The following ART4 variants were observed in gnomAD, a reference collection of about 807,000 sequenced individuals.
The protein encoded by ART4 is ecto-ADP-ribosyltransferase 4.
ART4 carries 14 observed loss-of-function variants against 24.2 expected under a neutral mutation model. The observed-to-expected ratio is 0.58, with a 90% CI of 0.38 to 0.90. The LOEUF is 0.90. ART4 is among the 40% of genes least tolerant of loss of function. The probability of loss-of-function intolerance (pLI) is 0.00; values close to 1 mark genes in which losing one functional copy is unlikely to be tolerated. For synonymous variants in ART4, 145 were observed against 139.9 expected (o/e 1.04, Z -0.26); for missense variants, 356 against 366.6 (o/e 0.97, Z 0.24).
rs187752608 is a variant in ART4, at chr12:14,826,696, A to G, written c.*2675T>C. 6.6e-6 allele frequency: 1 copy of G among 152,178 alleles called. No homozygotes were observed. The highest frequency in any genetic ancestry group is 1.5e-5 in the Non-Finnish European group (1 of 68,038). 9.4% of individuals were successfully genotyped at this position (152,178 alleles called of 1,614,324 possible). A position where few individuals can be genotyped will look rare whatever the true frequency, so the allele number is the denominator to read the frequency against. On this transcript the variant is annotated 3_prime_UTR_variant, in exon 3 of 3. Coordinates refer to ENST00000228936, the MANE Select transcript of ART4 (RefSeq NM_021071.4). The stretch of plus-strand genomic sequence containing the variant: ...TTACCCCTCACTCTCTGCCAGACCT[A>G]TCTGCTCCCTGACCTTATGCTGTAC...
chr12:14,842,466 G>A lies in ART4; in HGVS notation c.144+504C>T, dbSNP rs187635898. On this transcript the variant is annotated intron_variant, in intron 1 of 2. Coordinates refer to ENST00000228936, the MANE Select transcript of ART4 (RefSeq NM_021071.4). ...AAATAGGTCTACGGTATCTATTTAA[G>A]CCAAGCCGAGCCAAACCAAACCAAT... Among the ~76,000 whole-genome samples the A allele has an allele frequency of 2.7e-3, 405 of 152,270 alleles. 1 individual carries two copies. In the Middle Eastern group the frequency reaches 0.031, roughly 12 times the overall value.
At chr12:14,836,018 T>G (rs1391417192) in intron 2 of ART4, among the ~76,000 whole-genome samples, 4 of 152,196 alleles carry the variant, frequency 2.6e-5, no homozygotes, top group Non-Finnish European at 1.5e-5. Context: ...AGTGGATTCC[T>G]GAAACTACAG....
chr12:14,831,426 ATTTT>A (rs11369265), intron 2 of ART4, among the ~76,000 whole-genome samples: 1 of 148,110 alleles, frequency 6.8e-6, no homozygotes, highest in East Asian at 2.1e-4. Flanking sequence ...ATGCCTGGCT[ATTTT>A]TTTTTTGTAT....
intron 1 of ART4, 59 bp downstream of exon 1, chr12:14,842,911 G>T: frequency 6.5e-7 from 1 of 1,540,154 alleles, no homozygotes; most frequent in East Asian, 2.4e-5. Flanking sequence ...CTGTGGCCGG[G>T]TGAATGCTCT....
At chr12:14,837,052 T>C (rs1950435872) in intron 2 of ART4, among the ~76,000 whole-genome samples, 2 of 151,682 alleles carry the variant, frequency 1.3e-5, no homozygotes, top group South Asian at 2.1e-4. Context: ...ATCTGATCAC[T>C]GAGAGGGCTA....
At chr12:14,841,428 T>C (rs1317837318) in intron 1 of ART4, among the ~76,000 whole-genome samples, 1 of 152,196 alleles carries the variant, frequency 6.6e-6, no homozygotes, top group Non-Finnish European at 1.5e-5. Flanking sequence ...AATCACAGCA[T>C]GTTTGCATAG....
At position 14,828,533 on chromosome 12, in the gene ART4, G is replaced by C. The variant is rs1216935165; in HGVS notation, c.*838C>G. On this transcript the variant is annotated 3_prime_UTR_variant, in exon 3 of 3. Coordinates refer to ENST00000228936, the MANE Select transcript of ART4 (RefSeq NM_021071.4). ...AATTCACACCTTGGTTAATCTCTGG[G>C]GTTCAAAGCTTTTCTGTTTGGTGAA... The C allele has an allele frequency of 6.6e-6, 1 of 151,608 alleles. No individual in the cohort carries two copies. Among genetic ancestry groups the C allele is most frequent in the Non-Finnish European group, 1.5e-5 (1 of 67,942 alleles). 9.4% of individuals were successfully genotyped at this position (151,608 alleles called of 1,614,324 possible). A position where few individuals can be genotyped will look rare whatever the true frequency, so the allele number is the denominator to read the frequency against.
intron 2 of ART4, among the ~76,000 whole-genome samples, chr12:14,835,836 CT>C (rs1950427086): frequency 6.6e-6 from 1 of 152,068 alleles, no homozygotes; most frequent in East Asian, 1.9e-4. Flanking sequence ...ATCTCCTGAC[CT>C]TGTGATCCAC....
chr12:14,834,773 A>G (rs1305416744), intron 2 of ART4, among the ~76,000 whole-genome samples: 1 of 152,230 alleles, frequency 6.6e-6, no homozygotes, highest in East Asian at 1.9e-4. Flanking sequence ...TTCTATGGCA[A>G]CCAGTACAGG....
intron 1 of ART4, 114 bp downstream of exon 1, chr12:14,842,856 A>G: frequency 7.8e-7 from 1 of 1,289,612 alleles, no homozygotes; most frequent in Non-Finnish European, 1.0e-6. Context: ...AAAATGTCTG[A>G]ATGAAACTAG....
chr12:14,838,317 C>G (rs1950443961), intron 2 of ART4, among the ~76,000 whole-genome samples: 1 of 152,098 alleles, frequency 6.6e-6, no homozygotes, highest in Admixed American at 6.5e-5. Flanking sequence ...ACTCCTTTCC[C>G]TCAGTTTCCC....
At position 14,829,294 on chromosome 12, in the gene ART4, C is replaced by T; in HGVS notation, c.*77G>A. The T allele has an allele frequency of 2.0e-6, 2 of 1,003,216 alleles. No individual in the cohort carries two copies. The highest frequency in any genetic ancestry group is 2.8e-6 in the Non-Finnish European group (2 of 702,956). 62.1% of individuals were successfully genotyped at this position (1,003,216 alleles called of 1,614,324 possible). A position where few individuals can be genotyped will look rare whatever the true frequency, so the allele number is the denominator to read the frequency against. ...ATCATCCTTCCTGGAAAATAAATGT[C>T]CATTTCTAGCCAAAAGGCCAATAAA... On this transcript the variant is annotated 3_prime_UTR_variant, in exon 3 of 3. Coordinates refer to ENST00000228936, the MANE Select transcript of ART4 (RefSeq NM_021071.4).
chr12:14,840,418 AGTGGC>A, intron 2 of ART4, 22 bp downstream of exon 2: 2 of 1,549,332 alleles, frequency 1.3e-6, no homozygotes, highest in Non-Finnish European at 1.7e-6. Context: ...TGTGATCCTG[AGTGGC>A]CTCAATTTAG....
At chr12:14,832,443 A>G (rs1390223172) in intron 2 of ART4, among the ~76,000 whole-genome samples, 4 of 151,900 alleles carry the variant, frequency 2.6e-5, no homozygotes, top group Non-Finnish European at 4.4e-5. Flanking sequence ...CCAGTTTAAT[A>G]TTGCCACTCC....
intron 1 of ART4, among the ~76,000 whole-genome samples, chr12:14,842,209 G>A (rs193009227): frequency 6.6e-6 from 1 of 152,198 alleles, no homozygotes; most frequent in East Asian, 1.9e-4. Context: ...TTCCTTTCTT[G>A]GCAAAGAAAT....
chr12:14,840,820 G>A lies in ART4; in HGVS notation c.478C>T (p.His160Tyr). Residue 160 changes from histidine (H) to tyrosine (Y), a missense_variant, in exon 2 of 3, where the codon CAC becomes TAC. Transcript: ENST00000228936. ...TGGATTGCTGAGGTGAGGTAGTAGT[G>A]TAAATATTTGAAGTGGAATGAACGT... The part of the protein sequence containing the change: ...YERSFHFKYL[H>Y]YYLTSAIQLL... 6.2e-7 allele frequency: 1 copy of A among 1,614,194 alleles called. No homozygotes were observed. Among genetic ancestry groups the A allele is most frequent in the Non-Finnish European group, 8.5e-7 (1 of 1,180,036 alleles).
At chr12:14,833,527 T>C (rs904802054) in intron 2 of ART4, among the ~76,000 whole-genome samples, 3 of 152,198 alleles carry the variant, frequency 2.0e-5, no homozygotes, top group Non-Finnish European at 2.9e-5. Context: ...GTCAATAACC[T>C]GACTTACAGG....
intron 2 of ART4, among the ~76,000 whole-genome samples, chr12:14,831,062 C>T (rs1364398463): frequency 6.6e-6 from 1 of 151,904 alleles, no homozygotes; most frequent in East Asian, 1.9e-4. Context: ...AGTGACAGAG[C>T]CAGTATTTAA....
chr12:14,832,084 C>G (rs943540941), intron 2 of ART4, among the ~76,000 whole-genome samples: 26 of 152,094 alleles, frequency 1.7e-4, no homozygotes, highest in African/African-American at 6.3e-4. Context: ...TACCTCATTA[C>G]AGTTTATCCT....
Sources: gnomAD v4.1 joint callset for allele counts (sites outside exome capture counted in the v4.1 genomes callset) on GRCh38, gnomAD v4.1.1 for gene constraint, MANE v1.5 for transcripts, NCBI Gene and HGNC (gene_info 2026-07-23, HGNC 2026-07-21) for gene names.